XRCC5: variants seen among roughly 807,000 people sequenced by gnomAD.
XRCC5 encodes the protein X-ray repair cross complementing 5.
Under a neutral mutation model 95.7 loss-of-function variants are expected in XRCC5, and 12 were observed. The observed-to-expected ratio is 0.13, with a 90% CI of 0.08 to 0.20. The LOEUF (loss-of-function observed/expected upper bound fraction) is 0.20. XRCC5 is among the 10% of genes least tolerant of loss of function. XRCC5 has a pLI of 1.00. For missense variants in XRCC5, 595 were observed against 873.9 expected, an observed-to-expected ratio of 0.68 and a Z score of 4.02; for synonymous variants, 281 against 290.3, an observed-to-expected ratio of 0.97 and a Z score of 0.33.
intron 16 of XRCC5, among the ~76,000 whole-genome samples, chr2:216,166,903 G>T (rs1198053362): frequency 6.6e-6 from 1 of 152,088 alleles, no homozygotes; most frequent in African/African-American, 2.4e-5. Context: ...AGAAAGGATG[G>T]ATATATGGGG....
intron 8 of XRCC5, among the ~76,000 whole-genome samples, chr2:216,129,909 C>T (rs965521552): frequency 1.3e-5 from 2 of 152,120 alleles, no homozygotes; most frequent in Admixed American, 1.3e-4. Flanking sequence ...ATCTCCTGAC[C>T]TTGTGATCCA....
chr2:216,135,144 G>C (rs1252764066), intron 10 of XRCC5, among the ~76,000 whole-genome samples: 1 of 152,114 alleles, frequency 6.6e-6, no homozygotes, highest in African/African-American at 2.4e-5. Flanking sequence ...ATGGCTGGGA[G>C]GTCATAGGTT....
chr2:216,110,520 G>C (rs1276595413), intron 1 of XRCC5: 1 of 152,146 alleles, frequency 6.6e-6, no homozygotes, highest in Non-Finnish European at 1.5e-5. Context: ...AGATGAACTG[G>C]AAGTAAAATT....
intron 19 of XRCC5, among the ~76,000 whole-genome samples, chr2:216,199,383 G>A (rs776134758): frequency 9.2e-5 from 14 of 152,194 alleles, no homozygotes; most frequent in Non-Finnish European, 2.1e-4. Flanking sequence ...TTGAGAAATA[G>A]AAGGAAGTCA....
At chr2:216,131,889 C>A (rs936241481) in intron 9 of XRCC5, among the ~76,000 whole-genome samples, 2 of 152,194 alleles carry the variant, frequency 1.3e-5, no homozygotes, top group Admixed American at 1.3e-4. Context: ...CTGCCTGGAA[C>A]GCTTGTGCCC....
At chr2:216,166,328 T>C (rs573403166) in intron 16 of XRCC5, among the ~76,000 whole-genome samples, 3 of 152,184 alleles carry the variant, frequency 2.0e-5, no homozygotes, top group Admixed American at 6.5e-5. Flanking sequence ...CGCCATGTTA[T>C]CCAGGCTGGT....
chr2:216,117,013 A>G, intron 3 of XRCC5, 171 bp downstream of exon 3: 5 of 703,574 alleles, frequency 7.1e-6, no homozygotes, highest in Non-Finnish European at 1.2e-5. Flanking sequence ...TAATCAGTTT[A>G]AAACAGTGCC....
rs141533226 is a variant in XRCC5, at chr2:216,148,163, C to T, written c.1557C>T (p.Pro519=). The T allele has an allele frequency of 3.0e-5, 49 of 1,613,992 alleles. No homozygotes were observed. The highest frequency in any genetic ancestry group is 6.6e-5 in the South Asian group (6 of 91,070). Reference sequence around the variant, plus strand: ...ATATTTGGAATATGCTGAATCCTCCCGCTGAGGTGACAACAAAAAGTCAGA... The same window carrying T: ...ATATTTGGAATATGCTGAATCCTCCTGCTGAGGTGACAACAAAAAGTCAGA... ...QQHIWNMLNP[P]AEVTTKSQIP... is the part of the protein sequence containing the mutation. The change falls in exon 14 of 21, where the codon CCC becomes CCT. Residue 519 remains proline, a synonymous_variant. Transcript: ENST00000392132.
intron 18 of XRCC5, among the ~76,000 whole-genome samples, chr2:216,193,776 G>C (rs1159259363): frequency 6.6e-6 from 1 of 152,216 alleles, no homozygotes; most frequent in Non-Finnish European, 1.5e-5. Flanking sequence ...ATATGCCACT[G>C]AGAGAATACA....
In XRCC5 at chr2:216,189,657, A is replaced by G. The variant is rs572559496; in HGVS notation, c.1835-568A>G. ...ATATTCAGGTCCAGCTAAGGGCATA[A>G]GGTAGATAGCAATGATTTCTCATTC... is the stretch of plus-strand genomic sequence containing the variant. On this transcript the variant is annotated intron_variant, in intron 16 of 20. Coordinates refer to ENST00000392132, the MANE Select transcript of XRCC5 (RefSeq NM_021141.4). Among the ~76,000 whole-genome samples the G allele has an allele frequency of 2.4e-3, 362 of 152,338 alleles. 1 individual carries two copies. Among genetic ancestry groups the G allele is most frequent in the Non-Finnish European group, 3.8e-3 (261 of 68,034 alleles).
chr2:216,165,915 G>A (rs1037587122), intron 16 of XRCC5, among the ~76,000 whole-genome samples: 25 of 152,054 alleles, frequency 1.6e-4, no homozygotes, highest in African/African-American at 6.0e-4. Flanking sequence ...TCTATATATA[G>A]TAGGCAGCTA....
At position 216,135,832 on chromosome 2, in the gene XRCC5, G is replaced by A. The variant is rs189968795; in HGVS notation, c.1114-1256G>A. Among the ~76,000 whole-genome samples the A allele has an allele frequency of 2.6e-5, 4 of 152,012 alleles. No individual in the cohort carries two copies. In the East Asian group the frequency reaches 5.8e-4, roughly 22 times the overall value. On this transcript the variant is annotated intron_variant, in intron 10 of 20. Coordinates refer to ENST00000392132, the MANE Select transcript of XRCC5 (RefSeq NM_021141.4). ...AAAAGTGAAGGATGAGAATGGTGCGGTGGCATTATCAAAGACCGGGGTTTC... is the reference window on the plus strand; with the variant it reads ...AAAAGTGAAGGATGAGAATGGTGCGATGGCATTATCAAAGACCGGGGTTTC...
chr2:216,200,544 G>A (rs1302814323), intron 19 of XRCC5, among the ~76,000 whole-genome samples: 1 of 152,190 alleles, frequency 6.6e-6, no homozygotes, highest in Non-Finnish European at 1.5e-5. Context: ...GGTAGAACAT[G>A]TGTACAGTAA....
At chr2:216,118,290 T>A (rs889348038) in intron 4 of XRCC5, among the ~76,000 whole-genome samples, 4 of 151,862 alleles carry the variant, frequency 2.6e-5, no homozygotes, top group African/African-American at 9.7e-5. Flanking sequence ...GATCCTTGCA[T>A]CTCAGCCTCC....
At chr2:216,134,013 G>A (rs1286976766) in intron 10 of XRCC5, among the ~76,000 whole-genome samples, 1 of 152,178 alleles carries the variant, frequency 6.6e-6, no homozygotes, top group Non-Finnish European at 1.5e-5. Flanking sequence ...ACAGCAGGTG[G>A]TGCTTTTTGT....
intron 2 of XRCC5, 99 bp downstream of exon 2, chr2:216,113,228 C>T: frequency 4.0e-6 from 4 of 992,400 alleles, no homozygotes; most frequent in Non-Finnish European, 6.1e-6. Flanking sequence ...AGTGTCCAGC[C>T]CCTCTGTTTG....
At chr2:216,127,231 C>G (rs1014646053) in intron 7 of XRCC5, among the ~76,000 whole-genome samples, 1 of 152,064 alleles carries the variant, frequency 6.6e-6, no homozygotes, top group Non-Finnish European at 1.5e-5. Context: ...TAGAGCAAGA[C>G]TCTGTCTCAA....
intron 2 of XRCC5, 83 bp downstream of exon 2, chr2:216,113,212 C>T (rs1445953552): frequency 1.7e-6 from 2 of 1,170,096 alleles, no homozygotes; most frequent in Non-Finnish European, 2.5e-6. Context: ...ATACCAGCCT[C>T]CTTATAGTGT....
intron 13 of XRCC5, among the ~76,000 whole-genome samples, chr2:216,141,535 C>CTT (rs1697168944): frequency 1.8e-5 from 1 of 54,228 alleles, no homozygotes; most frequent in African/African-American, 7.6e-5. Context: ...TGCTTTCTTT[C>CTT]TTTTCTTTTT....
Sources: gnomAD v4.1 joint callset for allele counts (sites outside exome capture counted in the v4.1 genomes callset) on GRCh38, gnomAD v4.1.1 for gene constraint, MANE v1.5 for transcripts, NCBI Gene and HGNC (gene_info 2026-07-23, HGNC 2026-07-21) for gene names.